TSPAN10: variants seen among roughly 807,000 people sequenced by gnomAD.
TSPAN10 encodes the protein tetraspanin 10, also known as tetraspanin-10.
TSPAN10 carries 11 observed loss-of-function variants against 15.0 expected under a neutral mutation model. The observed-to-expected ratio is 0.73, with a 90% CI of 0.46 to 1.21. TSPAN10 has a LOEUF of 1.21. TSPAN10 is among the 50% of genes most tolerant of loss of function. The probability of loss-of-function intolerance (pLI) is 0.00; values close to 1 mark genes in which losing one functional copy is unlikely to be tolerated. For synonymous variants in TSPAN10, 241 were observed against 226.2 expected (o/e 1.07, Z -0.59); for missense variants, 486 against 470.6 (o/e 1.03, Z -0.30).
rs544756991 is a variant in TSPAN10, at chr17:81,645,898, ACACT to A, written c.674+273_674+276del. The A allele has an allele frequency of 6.1e-4, 364 of 592,022 alleles. 1 individual carries two copies. Among genetic ancestry groups the A allele is most frequent in the Non-Finnish European group, 9.5e-4 (318 of 333,546 alleles). The allele number at this position is 592,022 out of a possible 1,614,324, so 36.7% of individuals were successfully genotyped here. ...ACAAAACAGCCTCACACTCAGGCAC[ACACT>A]CACACTCAAACATGTTCATACACAC... On this transcript the variant is annotated intron_variant, in intron 2 of 2. Coordinates refer to ENST00000611590, the Ensembl canonical transcript of TSPAN10.
intron 1 of TSPAN10, 125 bp downstream of exon 2, chr17:81,642,573 T>C: frequency 2.1e-6 from 2 of 967,420 alleles, no homozygotes; most frequent in Non-Finnish European, 1.6e-6. Context: ...ACCTCAATGC[T>C]GAGATTGGGT....
In TSPAN10 at chr17:81,647,582, C is replaced by T. The variant is rs1024233137; in HGVS notation, c.675-319C>T. 9.8e-6 allele frequency: 6 copies of T among 609,276 alleles called. No homozygotes were observed. The Admixed American group carries it at 1.3e-4, about 13-fold the overall frequency. 37.7% of individuals were successfully genotyped at this position (609,276 alleles called of 1,614,324 possible). On this transcript the variant is annotated intron_variant, in intron 2 of 2. Transcript: ENST00000611590. ...TTCTCAATGAGCTCAGCAGCCTCTGCGGAGGGAGGTCCTCTTATCAATGCT... is the reference window on the plus strand; with the variant it reads ...TTCTCAATGAGCTCAGCAGCCTCTGTGGAGGGAGGTCCTCTTATCAATGCT...
intron 2 of TSPAN10, chr17:81,647,630 C>T (rs1568181096): frequency 1.5e-6 from 1 of 660,466 alleles, no homozygotes. Context: ...CTTCAACCGT[C>T]TCACTAAATA....
At position 81,645,057 on chromosome 17, in the gene TSPAN10, G is replaced by A. The variant is rs749829749; in HGVS notation, c.102G>A (p.Val34=). 5.7e-6 allele frequency: 9 copies of A among 1,587,710 alleles called. No individual in the cohort carries two copies. In the South Asian group the frequency reaches 9.0e-5, roughly 16 times the overall value. The change falls in exon 2 of 3, where the codon GTG becomes GTA. Residue 34 remains valine (V), a synonymous_variant. Coordinates refer to ENST00000611590, the Ensembl canonical transcript of TSPAN10. ...CCACCTCAGGCTGCCTAGGTCCAGT[G>A]CCCAGGGAGGACCAGGCGGAGGCCT...
At chr17:81,640,584 G>A (rs754504697), upstream of TSPAN10, among the ~76,000 whole-genome samples, 6 of 152,088 alleles carry the variant, frequency 3.9e-5, no homozygotes, top group Non-Finnish European at 7.4e-5. Context: ...ATGTAGCTGG[G>A]ATTACAGGCA....
intron 2 of TSPAN10, 49 bp downstream of exon 3, chr17:81,645,678 G>A: frequency 6.2e-7 from 1 of 1,601,502 alleles, no homozygotes; most frequent in Non-Finnish European, 8.5e-7. Flanking sequence ...GGTCGCAGAG[G>A]CCACACACCC....
At chr17:81,647,880 A>C in intron 2 of TSPAN10, 21 bp from the exon 4 acceptor site, 1 of 1,591,992 alleles carries the variant, frequency 6.3e-7, no homozygotes, top group South Asian at 1.1e-5. Flanking sequence ...GCCAGAACTG[A>C]CGATTCCATG....
At chr17:81,642,444 C>A in exon 1 of TSPAN10, 1 of 1,608,636 alleles carries the variant, frequency 6.2e-7, no homozygotes, top group Non-Finnish European at 8.5e-7. Flanking sequence ...CCCTTACTGT[C>A]CCAGGTGAGC....
chr17:81,648,299 A>T, downstream of TSPAN10: 1 of 1,206,514 alleles, frequency 8.3e-7, no homozygotes, highest in Non-Finnish European at 1.0e-6. Context: ...GGCTGAGCGC[A>T]CGCCCCGAGG....
exon 1 of TSPAN10, chr17:81,637,305 C>G: frequency 1.5e-6 from 1 of 652,566 alleles, no homozygotes; most frequent in Non-Finnish European, 2.8e-6. Flanking sequence ...AAAAAGGAAG[C>G]AAAGACGAGC....
Position 81,648,063 on chromosome 17 carries a change from C to CGGCCCGCCGCTCCGGCGGT in TSPAN10, c.841_859dup (p.Leu287ProfsTer?). On this transcript the variant is annotated frameshift_variant, in exon 3 of 3. Transcript: ENST00000611590. LOFTEE classifies it low-confidence loss of function (END_TRUNC). Reference sequence around the variant, plus strand: ...AGAGAGTGGTGTACCTGGAGGGCTGCGGCCCGCCGCTCCGGCGGTGGCTGC... The same window carrying CGGCCCGCCGCTCCGGCGGT: ...AGAGAGTGGTGTACCTGGAGGGCTGCGGCCCGCCGCTCCGGCGGTGGCCCGCCGCTCCGGCGGTGGCTGC... 6.4e-7 allele frequency: 1 copy of CGGCCCGCCGCTCCGGCGGT among 1,564,908 alleles called. No homozygotes were observed. Among genetic ancestry groups the CGGCCCGCCGCTCCGGCGGT allele is most frequent in the East Asian group, 2.4e-5 (1 of 41,636 alleles).
upstream of TSPAN10, among the ~76,000 whole-genome samples, chr17:81,639,356 C>T (rs1406851307): frequency 4.0e-5 from 6 of 151,704 alleles, no homozygotes; most frequent in South Asian, 4.2e-4. Flanking sequence ...TACAAGCGTG[C>T]GCTACCACGC....
chr17:81,645,361 C>CT lies in TSPAN10; in HGVS notation c.407dup (p.Ala137GlyfsTer9), dbSNP rs767658705. ...AGGGCTGGTGGTCAGCGCAGTGAGC[C>CT]TGGCTGGCTACCTGGGCGCCCTCTG... is the stretch of plus-strand genomic sequence containing the variant. On this transcript the variant is annotated frameshift_variant, in exon 2 of 3. Coordinates refer to ENST00000611590, the Ensembl canonical transcript of TSPAN10. LOFTEE classifies it high-confidence loss of function. 3.8e-6 allele frequency: 6 copies of CT among 1,592,822 alleles called. No individual in the cohort carries two copies. The highest frequency in any genetic ancestry group is 4.3e-6 in the Non-Finnish European group (5 of 1,171,574).
downstream of TSPAN10, chr17:81,648,387 C>T (rs2036289524): frequency 1.8e-6 from 2 of 1,122,498 alleles, no homozygotes; most frequent in Admixed American, 4.6e-5. Context: ...CCGCCGCCGC[C>T]TGATTTCGCT....
upstream of TSPAN10, among the ~76,000 whole-genome samples, chr17:81,641,573 A>T (rs1009135486): frequency 6.6e-6 from 1 of 151,418 alleles, no homozygotes; most frequent in East Asian, 2.0e-4. Flanking sequence ...CCATCAGTAC[A>T]TTGCCTGCTG....
At chr17:81,648,221 G>T in exon 3 of TSPAN10, 1 of 1,291,268 alleles carries the variant, frequency 7.7e-7, no homozygotes, top group Non-Finnish European at 9.7e-7. Context: ...CCCGGAGCGC[G>T]CGGGGAGGAC....
upstream of TSPAN10, chr17:81,637,750 G>A (rs1403743706): frequency 1.7e-5 from 3 of 177,396 alleles, no homozygotes; most frequent in Non-Finnish European, 2.4e-5. Context: ...CCTGACCAAC[G>A]TGGTGAAACC....
rs1568181390 is a variant in TSPAN10 at position 81,648,037 on chromosome 17, C to CA, written c.812dup (p.Arg272GlufsTer?). The CA allele has an allele frequency of 1.3e-6, 2 of 1,599,638 alleles. No individual in the cohort carries two copies. The highest frequency in any genetic ancestry group is 3.4e-5 in the Admixed American group (2 of 58,262). ...CCTGCGCCTGGATGCGGACGCAGCT[C>CA]AGAGAGTGGTGTACCTGGAGGGCTG... On this transcript the variant is annotated frameshift_variant, in exon 3 of 3. Transcript: ENST00000611590. LOFTEE classifies it low-confidence loss of function (END_TRUNC).
intron 2 of TSPAN10, chr17:81,647,521 A>G (rs1388505803): frequency 5.9e-6 from 3 of 506,728 alleles, no homozygotes; most frequent in Non-Finnish European, 1.2e-5. Context: ...AGCCTCTGCC[A>G]GAGTTCCATC....
Sources: gnomAD v4.1 joint callset for allele counts (sites outside exome capture counted in the v4.1 genomes callset) on GRCh38, gnomAD v4.1.1 for gene constraint, MANE v1.5 for transcripts, NCBI Gene and HGNC (gene_info 2026-07-23, HGNC 2026-07-21) for gene names.